Variants in DGKB observed in about 807,000 individuals in gnomAD.
The protein encoded by DGKB is diacylglycerol kinase beta.
A neutral mutation model predicts 114.3 loss-of-function variants in DGKB; 67 were observed. The observed-to-expected ratio is 0.59, with a 90% CI of 0.48 to 0.72. DGKB has a LOEUF of 0.72. Among genes scored for constraint, DGKB ranks in the 30% least tolerant of loss-of-function variants. The probability of loss-of-function intolerance (pLI) is 0.00; values close to 1 mark genes in which losing one functional copy is unlikely to be tolerated. For missense variants in DGKB, 907 were observed against 975.2 expected, an observed-to-expected ratio of 0.93 and a Z score of 0.93; for synonymous variants, 398 against 323.1, an observed-to-expected ratio of 1.23 and a Z score of -2.49.
At chr7:14,698,787 G>C (rs1180775891) in intron 7 of DGKB, among the ~76,000 whole-genome samples, 1 of 151,978 alleles carries the variant, frequency 6.6e-6, no homozygotes, top group Non-Finnish European at 1.5e-5. Flanking sequence ...CAGATGACCT[G>C]GCTAAATTAA....
intron 21 of DGKB, among the ~76,000 whole-genome samples, chr7:14,366,309 GTATATTTCTGGACATGA>G (rs1313494025): frequency 6.6e-6 from 1 of 152,080 alleles, no homozygotes. Flanking sequence ...ACCATTCAGT[GTATATTTCTGGACATGA>G]TATATAGAGT....
intron 21 of DGKB, among the ~76,000 whole-genome samples, chr7:14,392,415 G>A (rs144253279): frequency 3.3e-5 from 5 of 152,190 alleles, no homozygotes; most frequent in African/African-American, 1.2e-4. Flanking sequence ...TCACTTTTCT[G>A]AGAAACATAA....
At chr7:14,609,451 G>A (rs1289751900) in intron 16 of DGKB, among the ~76,000 whole-genome samples, 1 of 151,848 alleles carries the variant, frequency 6.6e-6, no homozygotes, top group African/African-American at 2.4e-5. Context: ...AGAAAACCTA[G>A]GAAATACCCC....
At chr7:14,798,254 G>A (rs1228695004) in intron 2 of DGKB, among the ~76,000 whole-genome samples, 1 of 152,114 alleles carries the variant, frequency 6.6e-6, no homozygotes, top group African/African-American at 2.4e-5. Context: ...TGAAGACTGG[G>A]TTTTTACCAG....
At chr7:14,215,311 A>G (rs1395494654) in intron 23 of DGKB, among the ~76,000 whole-genome samples, 1 of 152,110 alleles carries the variant, frequency 6.6e-6, no homozygotes, top group Non-Finnish European at 1.5e-5. Context: ...GAGAAAATTA[A>G]GGTTTTCGAG....
At chr7:14,241,931 C>CAT (rs1554300591) in intron 23 of DGKB, among the ~76,000 whole-genome samples, 1 of 142,440 alleles carries the variant, frequency 7.0e-6, no homozygotes, top group Non-Finnish European at 1.5e-5. Context: ...CACACACACA[C>CAT]ATATAGATAT....
intron 23 of DGKB, among the ~76,000 whole-genome samples, chr7:14,297,705 G>T (rs1005627472): frequency 1.3e-5 from 2 of 152,052 alleles, no homozygotes; most frequent in African/African-American, 4.8e-5. Context: ...CTCTGGCCAG[G>T]GCAATCAGGC....
intron 21 of DGKB, among the ~76,000 whole-genome samples, chr7:14,397,243 T>G (rs75260095): frequency 0.013 from 1,963 of 152,260 alleles, 32 homozygotes; most frequent in African/African-American, 0.041. Flanking sequence ...CCAGTTTCAC[T>G]AGTACAAGAC....
intron 23 of DGKB, among the ~76,000 whole-genome samples, chr7:14,302,238 C>G (rs1046095575): frequency 1.3e-5 from 2 of 151,916 alleles, no homozygotes; most frequent in Admixed American, 6.6e-5. Context: ...TAATAAAAGG[C>G]AAGATAATGG....
chr7:14,386,412 G>T (rs1405903369), intron 21 of DGKB, among the ~76,000 whole-genome samples: 1 of 152,046 alleles, frequency 6.6e-6, no homozygotes, highest in Non-Finnish European at 1.5e-5. Context: ...GAAAATCTAG[G>T]CTGCCTGTGG....
intron 21 of DGKB, among the ~76,000 whole-genome samples, chr7:14,360,113 C>A (rs1348516567): frequency 6.6e-6 from 1 of 152,088 alleles, no homozygotes; most frequent in Admixed American, 6.6e-5. Flanking sequence ...CACATATACA[C>A]CATGGAATAC....
intron 17 of DGKB, among the ~76,000 whole-genome samples, 178 bp downstream of exon 17, chr7:14,607,256 A>G (rs1804689704): frequency 6.6e-6 from 1 of 151,878 alleles, no homozygotes; most frequent in African/African-American, 2.4e-5. Flanking sequence ...TCTGCTAGAA[A>G]TGGACTATTT....
intron 23 of DGKB, among the ~76,000 whole-genome samples, chr7:14,190,082 C>A (rs767846722): frequency 6.6e-6 from 1 of 152,164 alleles, no homozygotes; most frequent in Non-Finnish European, 1.5e-5. Flanking sequence ...TTTCATCCAA[C>A]AGCTTTAGAA....
intron 25 of DGKB, among the ~76,000 whole-genome samples, chr7:14,150,604 C>T (rs1782046523): frequency 6.6e-6 from 1 of 152,034 alleles, no homozygotes; most frequent in South Asian, 2.1e-4. Context: ...TGTAAAAGGC[C>T]ACTAAGGCTA....
At chr7:14,930,206 G>A (rs1344053504) in intron 1 of DGKB, among the ~76,000 whole-genome samples, 2 of 151,984 alleles carry the variant, frequency 1.3e-5, no homozygotes, top group Non-Finnish European at 2.9e-5. Flanking sequence ...GGTCTTTTGG[G>A]TCTTTTTGGT....
intron 13 of DGKB, among the ~76,000 whole-genome samples, chr7:14,640,572 G>T (rs771218926): frequency 6.6e-6 from 1 of 152,158 alleles, no homozygotes; most frequent in Non-Finnish European, 1.5e-5. Context: ...ACAGCAAGGA[G>T]TGGTCATGGA....
intron 1 of DGKB, among the ~76,000 whole-genome samples, chr7:14,962,274 T>C (rs552424721): frequency 6.6e-6 from 1 of 152,108 alleles, no homozygotes; most frequent in Non-Finnish European, 1.5e-5. Flanking sequence ...TAATTTTCAG[T>C]GTGAGAATGG....
chr7:14,461,360 C>T (rs1169439662), intron 21 of DGKB, among the ~76,000 whole-genome samples: 4 of 148,466 alleles, frequency 2.7e-5, no homozygotes, highest in African/African-American at 1.0e-4. Flanking sequence ...AGACCACTAG[C>T]CAGATGAATA....
intron 20 of DGKB, among the ~76,000 whole-genome samples, chr7:14,559,873 CTTT>C (rs538550419): frequency 6.6e-6 from 1 of 151,444 alleles, no homozygotes; most frequent in South Asian, 2.1e-4. Flanking sequence ...CTTTTCTTTT[CTTT>C]TTTTTACTTT....
Sources: gnomAD v4.1 joint callset for allele counts (sites outside exome capture counted in the v4.1 genomes callset) on GRCh38, gnomAD v4.1.1 for gene constraint, MANE v1.5 for transcripts, NCBI Gene and HGNC (gene_info 2026-07-23, HGNC 2026-07-21) for gene names.